GSK3B: variants seen among roughly 807,000 people sequenced by gnomAD.
The protein encoded by GSK3B is glycogen synthase kinase 3 beta.
In GSK3B, 15 loss-of-function variants were observed where a neutral mutation model predicts 56.4. The ratio of observed to expected loss-of-function variants is 0.27; its 90% confidence interval spans 0.18 to 0.41. The LOEUF (loss-of-function observed/expected upper bound fraction) is 0.41, where lower values mean the gene tolerates loss of function less well. Ranked by LOEUF, GSK3B falls within the 10% of genes least tolerant of loss-of-function variation. The pLI is 1.00. For synonymous variants in GSK3B, 181 were observed against 188.9 expected (o/e 0.96, Z 0.34); for missense variants, 300 against 513.4 (o/e 0.58, Z 4.02).
chr3:119,958,033 C>G (rs13319825), intron 2 of GSK3B, among the ~76,000 whole-genome samples: 7 of 152,226 alleles, frequency 4.6e-5, no homozygotes, highest in South Asian at 2.1e-4. Flanking sequence ...CCTATACCCC[C>G]CCAAGTGTCA....
In GSK3B at chr3:120,075,955, G is replaced by A. The variant is rs533051583; in HGVS notation, c.88+17392C>T. On this transcript the variant is annotated intron_variant, in intron 1 of 10. Transcript: ENST00000264235. Reference sequence around the variant, plus strand: ...GAAAAAAAAAAGTTGGGGGCTTCACGCTTCCTGAGTTAAAATTAAATTACA... The same window carrying A: ...GAAAAAAAAAAGTTGGGGGCTTCACACTTCCTGAGTTAAAATTAAATTACA... Among the ~76,000 whole-genome samples the A allele has an allele frequency of 4.6e-5, 7 of 152,080 alleles. No individual in the cohort carries two copies. The South Asian group carries it at 6.2e-4, about 14-fold the overall frequency.
intron 9 of GSK3B, among the ~76,000 whole-genome samples, chr3:119,854,677 TTTC>T (rs1295632835): frequency 6.6e-6 from 1 of 152,264 alleles, no homozygotes. Context: ...AATTTATCCA[TTTC>T]TTCTAGATTT....
intron 3 of GSK3B, among the ~76,000 whole-genome samples, chr3:119,937,967 G>C (rs1334797747): frequency 1.3e-5 from 2 of 151,718 alleles, no homozygotes; most frequent in Non-Finnish European, 2.9e-5. Flanking sequence ...GAGACAAAAA[G>C]GATGAAAACA....
chr3:119,863,461 T>C lies in GSK3B; in HGVS notation c.1054A>G (p.Asn352Asp). The change falls in exon 9 of 11, where the codon AAT becomes GAT. Residue 352 changes from asparagine (N) to aspartate (D), a missense_variant. By Grantham distance (23) the Asn-to-Asp change is conservative (BLOSUM62 1). Transcript: ENST00000264235. Reference sequence around the variant, plus strand: ...AAGAGTGCAGGTGTGTCTCGCCCATTTGGTAGTTTGACATTTGGGTCCCGT... The same window carrying C: ...AAGAGTGCAGGTGTGTCTCGCCCATCTGGTAGTTTGACATTTGGGTCCCGT... Reference protein sequence around the residue: ...ELRDPNVKLPNGRDTPALFNF... With the variant: ...ELRDPNVKLPDGRDTPALFNF... 1.9e-6 allele frequency: 3 copies of C among 1,614,030 alleles called. No homozygotes were observed. The highest frequency in any genetic ancestry group is 2.5e-6 in the Non-Finnish European group (3 of 1,179,954).
intron 2 of GSK3B, among the ~76,000 whole-genome samples, chr3:119,971,697 C>T (rs1234368945): frequency 3.6e-5 from 5 of 139,828 alleles, no homozygotes; most frequent in African/African-American, 8.2e-5. Flanking sequence ...CTGCAAGCTC[C>T]GCCTCCCGGG....
Position 119,825,459 on chromosome 3 carries a change from A to G in GSK3B, c.*1329T>C, listed in dbSNP as rs1017292182. ...CATTCTTCTCATGCTTCAACCAGTC[A>G]ATTTTGATACTGTAGACAAAAAAAA... On this transcript the variant is annotated 3_prime_UTR_variant, in exon 11 of 11. Coordinates refer to ENST00000264235, the MANE Select transcript of GSK3B (RefSeq NM_001146156.2). The G allele has an allele frequency of 8.7e-6, 2 of 228,964 alleles. No individual in the cohort carries two copies. The highest frequency in any genetic ancestry group is 2.2e-5 in the African/African-American group (1 of 45,154). The allele number at this position is 228,964 out of a possible 1,614,324, so 14.2% of individuals were successfully genotyped here.
intron 2 of GSK3B, among the ~76,000 whole-genome samples, chr3:119,965,376 T>C (rs1242303649): frequency 6.6e-6 from 1 of 151,376 alleles, no homozygotes; most frequent in South Asian, 2.1e-4. Flanking sequence ...TTTTTTTTTT[T>C]ATTTTTATAG....
intron 8 of GSK3B, among the ~76,000 whole-genome samples, chr3:119,873,374 T>C (rs73175844): frequency 0.091 from 13,875 of 151,920 alleles, 782 homozygotes; most frequent in Non-Finnish European, 0.12. Flanking sequence ...CTTGGGGATA[T>C]AGCTGCACAA....
At chr3:120,073,848 T>C (rs1444499603) in intron 1 of GSK3B, among the ~76,000 whole-genome samples, 9 of 152,090 alleles carry the variant, frequency 5.9e-5, no homozygotes, top group Admixed American at 5.9e-4. Context: ...AACAAGTTGC[T>C]TAAAATAGAG....
At chr3:119,950,244 C>A (rs1239518958) in intron 2 of GSK3B, among the ~76,000 whole-genome samples, 1 of 152,192 alleles carries the variant, frequency 6.6e-6, no homozygotes, top group East Asian at 1.9e-4. Context: ...CCTAAATATT[C>A]ATCTATGTTT....
chr3:120,009,678 C>T (rs1328522410), intron 1 of GSK3B, among the ~76,000 whole-genome samples: 1 of 151,770 alleles, frequency 6.6e-6, no homozygotes, highest in Non-Finnish European at 1.5e-5. Context: ...CATCACACAC[C>T]AGGGTCTGTG....
At chr3:119,952,655 G>A (rs1182404525) in intron 2 of GSK3B, among the ~76,000 whole-genome samples, 1 of 147,042 alleles carries the variant, frequency 6.8e-6, no homozygotes, top group Non-Finnish European at 1.5e-5. Context: ...TCACATACAT[G>A]GGAAAAACAA....
At position 119,956,644 on chromosome 3, in the gene GSK3B, A is replaced by G. The variant is rs149602246; in HGVS notation, c.283-9293T>C. On this transcript the variant is annotated intron_variant, in intron 2 of 10. Coordinates refer to ENST00000264235, the MANE Select transcript of GSK3B (RefSeq NM_001146156.2). ...AAGTGATCAAACTCCCCAGCAGCAGAAAGTCTATAAAGGACACTAAAAAGA... is the reference window on the plus strand; with the variant it reads ...AAGTGATCAAACTCCCCAGCAGCAGGAAGTCTATAAAGGACACTAAAAAGA... Among the ~76,000 whole-genome samples, 5 of 152,336 alleles carry G rather than the reference A, an allele frequency of 3.3e-5. No homozygotes were observed. In the East Asian group the frequency reaches 9.6e-4, roughly 29 times the overall value.
intron 3 of GSK3B, among the ~76,000 whole-genome samples, chr3:119,933,538 A>C (rs1438399359): frequency 2.0e-5 from 3 of 152,194 alleles, no homozygotes; most frequent in African/African-American, 7.2e-5. Flanking sequence ...AAACAAAAAC[A>C]TGCTTTAAAA....
intron 1 of GSK3B, among the ~76,000 whole-genome samples, chr3:120,049,088 ATC>A (rs970399102): frequency 2.6e-5 from 4 of 152,328 alleles, no homozygotes; most frequent in African/African-American, 4.8e-5. Context: ...TCCAAAATGA[ATC>A]TGTCTCTTCA....
At chr3:120,014,128 C>T (rs1164634025) in intron 1 of GSK3B, among the ~76,000 whole-genome samples, 3 of 127,716 alleles carry the variant, frequency 2.3e-5, no homozygotes, top group African/African-American at 9.6e-5. Flanking sequence ...GAGTGAGACT[C>T]TGTCAAAAAA....
intron 1 of GSK3B, chr3:120,029,754 A>T (rs1229917506): frequency 1.8e-6 from 1 of 555,456 alleles, no homozygotes; most frequent in East Asian, 4.8e-5. Flanking sequence ...TCTCTTTGGA[A>T]TATGGTATGT....
At chr3:120,015,503 A>T (rs2057816575) in intron 1 of GSK3B, among the ~76,000 whole-genome samples, 1 of 151,342 alleles carries the variant, frequency 6.6e-6, no homozygotes, top group South Asian at 2.1e-4. Context: ...ACAAAAAATT[A>T]ACTGGGCATG....
intron 1 of GSK3B, among the ~76,000 whole-genome samples, chr3:120,023,646 T>C (rs530292379): frequency 6.6e-6 from 1 of 152,260 alleles, no homozygotes; most frequent in Admixed American, 6.5e-5. Context: ...TCCCTTATCT[T>C]AAGACCCTCA....
Sources: allele counts gnomAD v4.1 joint callset (sites outside exome capture counted in the v4.1 genomes callset), GRCh38; gene constraint gnomAD v4.1.1; transcripts MANE v1.5; gene names NCBI Gene and HGNC (gene_info 2026-07-23, HGNC 2026-07-21).